COL13A1: variants seen among roughly 807,000 people sequenced by gnomAD.
The protein encoded by COL13A1 is collagen alpha-1(XIII) chain.
In COL13A1, 89 loss-of-function variants were observed where a neutral mutation model predicts 130.9. The ratio of observed to expected loss-of-function variants is 0.68; its 90% CI spans 0.57 to 0.81. The LOEUF (loss-of-function observed/expected upper bound fraction) is 0.81, where lower values mean the gene tolerates loss of function less well. Among genes scored for constraint, COL13A1 ranks in the 30% least tolerant of loss-of-function variants. COL13A1 has a pLI of 0.00. For missense variants in COL13A1, 879 were observed against 934.6 expected, an observed-to-expected ratio of 0.94 and a Z score of 0.78; for synonymous variants, 402 against 341.6, an observed-to-expected ratio of 1.18 and a Z score of -1.95.
intron 1 of COL13A1, among the ~76,000 whole-genome samples, chr10:69,807,274 G>A (rs953170193): frequency 2.6e-5 from 4 of 152,134 alleles, no homozygotes; most frequent in African/African-American, 4.8e-5. Context: ...CCCTTTTACA[G>A]ATGAGAAGAC....
At chr10:69,956,266 C>A (rs1337585870) in intron 39 of COL13A1, 1 of 152,260 alleles carries the variant, frequency 6.6e-6, no homozygotes, top group Non-Finnish European at 1.5e-5. Flanking sequence ...TTTCTATCAC[C>A]AAGGGCAGAA....
chr10:69,943,988 A>T, intron 35 of COL13A1, 137 bp from the exon 36 acceptor site: 1 of 670,032 alleles, frequency 1.5e-6, no homozygotes, highest in South Asian at 1.8e-5. Flanking sequence ...CAGTCGAATG[A>T]CTGCCCTGAA....
intron 1 of COL13A1, among the ~76,000 whole-genome samples, chr10:69,820,455 G>A (rs1212159708): frequency 6.6e-6 from 1 of 152,236 alleles, no homozygotes; most frequent in African/African-American, 2.4e-5. Context: ...TGGGTGCCAG[G>A]CCCCCAGGTG....
At chr10:69,915,219 G>A (rs548057597) in intron 17 of COL13A1, among the ~76,000 whole-genome samples, 1 of 152,234 alleles carries the variant, frequency 6.6e-6, no homozygotes, top group Non-Finnish European at 1.5e-5. Context: ...AGAGAGGAAG[G>A]TTGTAAAGCT....
In COL13A1 at chr10:69,895,683, G is replaced by A; in HGVS notation, c.684+107G>A. 3 of 1,272,406 alleles carry A rather than the reference G, an allele frequency of 2.4e-6. No homozygotes were observed. In the South Asian group the frequency reaches 3.7e-5, roughly 16 times the overall value. The allele number at this position is 1,272,406 out of a possible 1,614,324, so 78.8% of individuals were successfully genotyped here. On this transcript the variant is annotated intron_variant, in intron 13 of 40. Coordinates refer to ENST00000645393, the MANE Select transcript of COL13A1 (RefSeq NM_001368882.1). ...GTCTCCAGTTACTAACAGATCATGG[G>A]GGAGCAGGAGCACCCACTGCCCTCT...
chr10:69,912,368 G>T (rs1410472449), intron 17 of COL13A1, among the ~76,000 whole-genome samples: 1 of 152,188 alleles, frequency 6.6e-6, no homozygotes, highest in Non-Finnish European at 1.5e-5. Flanking sequence ...CGCGGTTCCG[G>T]TCCTCTCTGG....
At chr10:69,834,573 A>C (rs976357932) in intron 2 of COL13A1, among the ~76,000 whole-genome samples, 1 of 152,210 alleles carries the variant, frequency 6.6e-6, no homozygotes, top group African/African-American at 2.4e-5. Context: ...GCACCCTATG[A>C]TGTAAGGCTA....
chr10:69,851,996 G>T (rs565886556), intron 2 of COL13A1, among the ~76,000 whole-genome samples: 2 of 152,198 alleles, frequency 1.3e-5, no homozygotes, highest in African/African-American at 4.8e-5. Flanking sequence ...GCTGACAGCT[G>T]CTGTAATAGA....
intron 2 of COL13A1, among the ~76,000 whole-genome samples, chr10:69,843,093 TTA>T (rs951830351): frequency 2.0e-5 from 3 of 151,806 alleles, no homozygotes; most frequent in African/African-American, 7.3e-5. Context: ...AGGGTGGGGG[TTA>T]TCTCTTCCAG....
rs1444316486 is a variant in COL13A1 at position 69,802,634 on chromosome 10, C to G, written c.211C>G (p.Arg71Gly). 6.2e-7 allele frequency: 1 copy of G among 1,613,262 alleles called. No individual in the cohort carries two copies. Among genetic ancestry groups the G allele is most frequent in the East Asian group, 2.2e-5 (1 of 44,852 alleles). Residue 71 changes from arginine to glycine, a missense_variant, in exon 1 of 41, where the codon CGG (arginine) becomes GGG (glycine). By Grantham distance (125) the Arg-to-Gly change is moderately radical. Around this residue, in one of 3 missense-constraint regions of COL13A1, gnomAD observed 715 missense variants for 721.0 expected, o/e 0.99. Transcript: ENST00000645393. ...AHFRTAELQA[R>G]VLRLEAERGE... Reference sequence around the variant, plus strand: ...CTTTCGGACGGCCGAGCTGCAGGCCCGGGTGCTGCGCCTGGAAGCGGAGCG... The same window carrying G: ...CTTTCGGACGGCCGAGCTGCAGGCCGGGGTGCTGCGCCTGGAAGCGGAGCG...
chr10:69,925,783 G>A (rs747612319), intron 25 of COL13A1, 21 bp from the exon 26 acceptor site: 3 of 1,578,950 alleles, frequency 1.9e-6, no homozygotes, highest in Non-Finnish European at 2.6e-6. Context: ...GCCGTGGGTT[G>A]AGATCTCATT....
chr10:69,902,622 C>A lies in COL13A1; in HGVS notation c.751-126C>A, dbSNP rs983664728. The A allele has an allele frequency of 1.0e-5, 7 of 678,278 alleles. No homozygotes were observed. In the South Asian group the frequency reaches 1.1e-4, roughly 10 times the overall value. The allele number at this position is 678,278 out of a possible 1,614,324, so 42.0% of individuals were successfully genotyped here. On this transcript the variant is annotated intron_variant, in intron 14 of 40. Transcript: ENST00000645393. ...CATCACCATCATGCCACCGCTTCCTCCCCCCATCACCACTCCTTCCCGGCA... is the reference window on the plus strand; with the variant it reads ...CATCACCATCATGCCACCGCTTCCTACCCCCATCACCACTCCTTCCCGGCA...
chr10:69,929,984 T>A (rs2065892886), intron 28 of COL13A1, 59 bp from the exon 29 acceptor site: 28 of 1,495,628 alleles, frequency 1.9e-5, no homozygotes, highest in Non-Finnish European at 2.3e-5. Context: ...AAGCAATGCG[T>A]AACTGATGGC....
intron 1 of COL13A1, among the ~76,000 whole-genome samples, chr10:69,812,746 A>G (rs1399680455): frequency 6.6e-6 from 1 of 152,272 alleles, no homozygotes; most frequent in African/African-American, 2.4e-5. Context: ...AAGTAATGGC[A>G]AAAACTGCAA....
intron 10 of COL13A1, among the ~76,000 whole-genome samples, chr10:69,893,182 C>T (rs1049241588): frequency 8.5e-5 from 13 of 152,214 alleles, no homozygotes; most frequent in African/African-American, 3.1e-4. Context: ...AAAACCCTGT[C>T]TCTACAAAAA....
chr10:69,889,890 T>C (rs1326795407), intron 10 of COL13A1, among the ~76,000 whole-genome samples: 1 of 152,212 alleles, frequency 6.6e-6, no homozygotes, highest in Non-Finnish European at 1.5e-5. Context: ...CAGGGGTTCC[T>C]GCCCCACTGG....
intron 2 of COL13A1, chr10:69,860,730 A>G: frequency 3.6e-6 from 1 of 274,358 alleles, no homozygotes; most frequent in Non-Finnish European, 7.4e-6. Context: ...TTCTGCGGCC[A>G]TTTTCCTGAG....
intron 1 of COL13A1, among the ~76,000 whole-genome samples, chr10:69,803,035 A>C (rs925015908): frequency 2.6e-5 from 4 of 151,632 alleles, no homozygotes; most frequent in African/African-American, 7.3e-5. Context: ...GGCAAGCTCC[A>C]CTCCTCCCTT....
Position 69,822,356 on chromosome 10 carries a change from T to C in COL13A1, c.295-13T>C. Reference sequence around the variant, plus strand: ...AGCTCCTGGTGACTCCTCTTGTCTGTCTCCTTGTACAGAAATGGAAGCTCC... The same window carrying C: ...AGCTCCTGGTGACTCCTCTTGTCTGCCTCCTTGTACAGAAATGGAAGCTCC... On this transcript the variant is annotated splice_polypyrimidine_tract_variant and intron_variant, in intron 1 of 40. Transcript: ENST00000645393. 6.4e-7 allele frequency: 1 copy of C among 1,570,110 alleles called. No homozygotes were observed. Among genetic ancestry groups the C allele is most frequent in the Admixed American group, 1.9e-5 (1 of 53,782 alleles).
Sources: gnomAD v4.1 joint callset for allele counts (sites outside exome capture counted in the v4.1 genomes callset) on GRCh38, gnomAD v4.1.1 for gene constraint, gnomAD v4.1.1 regional missense constraint, MANE v1.5 for transcripts, NCBI Gene and HGNC (gene_info 2026-07-23, HGNC 2026-07-21) for gene names.